Variants in RANBP2 observed in about 807,000 individuals in gnomAD.
RANBP2 encodes E3 SUMO-protein ligase RanBP2.
A neutral mutation model predicts 303.6 loss-of-function variants in RANBP2; 57 were observed. The ratio of observed to expected loss-of-function variants is 0.19; its 90% confidence interval spans 0.15 to 0.23. The LOEUF (loss-of-function observed/expected upper bound fraction) is 0.23, where lower values mean the gene tolerates loss of function less well. Among genes scored for constraint, RANBP2 ranks in the 10% least tolerant of loss-of-function variants. The pLI is 1.00. For synonymous variants in RANBP2, 1,167 were observed against 1,301.5 expected (o/e 0.90, Z 2.23); for missense variants, 3,138 against 3,780.8 (o/e 0.83, Z 4.46).
chr2:108,788,131 A>G, downstream of RANBP2: 1 of 1,584,934 alleles, frequency 6.3e-7, no homozygotes, highest in East Asian at 2.2e-5. Context: ...CAAAAATTTA[A>G]TTTGAGGCTG....
At chr2:109,471,773 T>G in the RANBP2 span, among the ~76,000 whole-genome samples, 7 of 152,218 alleles carry the variant, frequency 4.6e-5, no homozygotes, top group Admixed American at 1.3e-4. Context: ...CCATAGGAGA[T>G]AGACTAATGC....
At chr2:109,092,061 C>G in the RANBP2 span, among the ~76,000 whole-genome samples, 1 of 152,026 alleles carries the variant, frequency 6.6e-6, no homozygotes. Flanking sequence ...GAGGGATAAT[C>G]TTGGAGTTCT....
chr2:109,497,715 A>G, the RANBP2 span, among the ~76,000 whole-genome samples: 1 of 152,216 alleles, frequency 6.6e-6, no homozygotes, highest in Non-Finnish European at 1.5e-5. Flanking sequence ...AACGTTAAAC[A>G]CTTGTCTCGT....
the RANBP2 span, among the ~76,000 whole-genome samples, chr2:108,799,762 C>T: frequency 2.0e-5 from 3 of 152,114 alleles, no homozygotes; most frequent in Non-Finnish European, 4.4e-5. Flanking sequence ...CCAGTGACTC[C>T]TTGTGCTATT....
chr2:109,398,046 C>T, the RANBP2 span, among the ~76,000 whole-genome samples: 2 of 152,194 alleles, frequency 1.3e-5, no homozygotes, highest in African/African-American at 4.8e-5. Flanking sequence ...GAGGCGGTTA[C>T]TGAAAAGAGC....
At chr2:108,993,696 C>T in the RANBP2 span, among the ~76,000 whole-genome samples, 2 of 152,160 alleles carry the variant, frequency 1.3e-5, no homozygotes, top group East Asian at 3.8e-4. Context: ...TGATTGTACC[C>T]TATTGGAGAA....
the RANBP2 span, among the ~76,000 whole-genome samples, chr2:109,184,896 C>T: frequency 1.3e-5 from 2 of 152,200 alleles, no homozygotes; most frequent in African/African-American, 2.4e-5. Context: ...CGAAAAAGGC[C>T]TCATCAAACA....
chr2:109,436,546 CTG>C, the RANBP2 span, among the ~76,000 whole-genome samples: 34 of 152,372 alleles, frequency 2.2e-4, no homozygotes, highest in African/African-American at 7.0e-4. Context: ...CGGGACATGA[CTG>C]AGTCATCTGT....
chr2:108,803,612 G>T, the RANBP2 span, among the ~76,000 whole-genome samples: 49 of 152,236 alleles, frequency 3.2e-4, 1 homozygote, highest in South Asian at 5.0e-3. Flanking sequence ...GCTAGTGGAA[G>T]TTTTTGTTCT....
chr2:109,454,442 G>T, the RANBP2 span, among the ~76,000 whole-genome samples: 7 of 152,198 alleles, frequency 4.6e-5, no homozygotes, highest in African/African-American at 1.4e-4. Flanking sequence ...CACAGGCCAT[G>T]AGTGGTGCTC....
chr2:109,170,244 T>TTCTC, the RANBP2 span, among the ~76,000 whole-genome samples: 479 of 32,936 alleles, frequency 0.015, 10 homozygotes, highest in Admixed American at 0.027. Context: ...CTTCTTTTCT[T>TTCTC]TTCTCTTCTC....
chr2:108,910,177 G>C, the RANBP2 span, among the ~76,000 whole-genome samples: 1 of 152,212 alleles, frequency 6.6e-6, no homozygotes, highest in Non-Finnish European at 1.5e-5. Context: ...GTCTGGAGAA[G>C]GGGCATGAGG....
the RANBP2 span, among the ~76,000 whole-genome samples, chr2:109,115,905 G>C: frequency 1.3e-5 from 2 of 152,188 alleles, no homozygotes; most frequent in Admixed American, 1.3e-4. Flanking sequence ...AGTTTGGCTG[G>C]ATATGAAATT....
chr2:109,383,858 C>G, the RANBP2 span, among the ~76,000 whole-genome samples: 1 of 152,184 alleles, frequency 6.6e-6, no homozygotes, highest in African/African-American at 2.4e-5. Context: ...GTCCTTATAC[C>G]CTTTAAGTAA....
rs768918867 is a variant in RANBP2, at chr2:108,751,923, C to T, written c.1684C>T (p.Leu562=). 5 of 1,611,942 alleles carry T rather than the reference C, an allele frequency of 3.1e-6. No individual in the cohort carries two copies. Among genetic ancestry groups the T allele is most frequent in the Middle Eastern group, 2.3e-4 (1 of 4,430 alleles). The part of the protein sequence containing the change: ...RLLVQHEINT[L]RAQEKHGLQP... ...TCTAGTTCAGCATGAAATAAACACT[C>T]TAAGAGCCCAGGAAAAACATGGCCT... is the stretch of plus-strand genomic sequence containing the variant. The change falls in exon 12 of 29, where the codon CTA becomes TTA. Residue 562 remains leucine (L), a synonymous_variant. Transcript: ENST00000283195.
At chr2:109,050,030 T>C in the RANBP2 span, among the ~76,000 whole-genome samples, 1 of 152,324 alleles carries the variant, frequency 6.6e-6, no homozygotes, top group African/African-American at 2.4e-5. Context: ...GTCCTACTGG[T>C]GGCCACTAGC....
the RANBP2 span, among the ~76,000 whole-genome samples, chr2:109,647,437 C>T: frequency 1.4e-3 from 208 of 152,078 alleles, no homozygotes; most frequent in African/African-American, 4.8e-3. Flanking sequence ...GCTGGGATTA[C>T]AGGCGTGAGC....
chr2:109,511,679 T>C, the RANBP2 span, among the ~76,000 whole-genome samples: 7 of 152,370 alleles, frequency 4.6e-5, no homozygotes, highest in Middle Eastern at 3.4e-3. Context: ...TCCAGCTGGC[T>C]TTGTGACCCA....
At chr2:109,418,741 G>A in the RANBP2 span, among the ~76,000 whole-genome samples, 1 of 152,164 alleles carries the variant, frequency 6.6e-6, no homozygotes, top group Non-Finnish European at 1.5e-5. Context: ...AGGTACACAG[G>A]TCAGACCCTT....
Sources: allele counts gnomAD v4.1 joint callset (sites outside exome capture counted in the v4.1 genomes callset), GRCh38; gene constraint gnomAD v4.1.1; transcripts MANE v1.5; gene names NCBI Gene and HGNC (gene_info 2026-07-23, HGNC 2026-07-21).